Variants in KCNB2 observed in about 807,000 individuals in gnomAD.
The protein encoded by KCNB2 is delayed rectifier potassium channel protein.
A neutral mutation model predicts 61.5 loss-of-function variants in KCNB2; 15 were observed. The observed-to-expected ratio is 0.24, with a 90% CI of 0.16 to 0.38. The LOEUF is 0.38. Ranked by LOEUF, KCNB2 falls within the 10% of genes least tolerant of loss-of-function variation. The pLI is 1.00. For missense variants in KCNB2, 828 were observed against 1,125.2 expected, an observed-to-expected ratio of 0.74 and a Z score of 3.78; for synonymous variants, 457 against 446.0, an observed-to-expected ratio of 1.02 and a Z score of -0.31.
At chr8:72,683,867 C>T (rs1806803999) in intron 2 of KCNB2, among the ~76,000 whole-genome samples, 1 of 152,010 alleles carries the variant, frequency 6.6e-6, no homozygotes, top group Non-Finnish European at 1.5e-5. Context: ...ATTAGGAGGC[C>T]ACGGAAGATG....
At chr8:72,911,653 A>G (rs540732041) in intron 2 of KCNB2, among the ~76,000 whole-genome samples, 15 of 152,272 alleles carry the variant, frequency 9.9e-5, no homozygotes, top group Admixed American at 2.6e-4. Flanking sequence ...CATCATCTCA[A>G]TGGGCTGACT....
intron 2 of KCNB2, among the ~76,000 whole-genome samples, chr8:72,710,874 G>A (rs1423588571): frequency 6.6e-6 from 1 of 152,156 alleles, no homozygotes; most frequent in Non-Finnish European, 1.5e-5. Context: ...GGCCTCTCAA[G>A]GCTATTTAAG....
At chr8:72,619,025 A>C in intron 2 of KCNB2, 1 of 313,562 alleles carries the variant, frequency 3.2e-6, no homozygotes, top group South Asian at 2.8e-5. Flanking sequence ...TGTTCTGAAG[A>C]TGACCGTCGA....
chr8:72,577,731 A>G (rs1806820818), intron 2 of KCNB2, among the ~76,000 whole-genome samples: 1 of 152,204 alleles, frequency 6.6e-6, no homozygotes, highest in Admixed American at 6.6e-5. Context: ...ACGCCACAGC[A>G]GTGCCAAGGA....
At chr8:72,600,289 T>C (rs1242685538) in intron 2 of KCNB2, among the ~76,000 whole-genome samples, 2 of 152,080 alleles carry the variant, frequency 1.3e-5, no homozygotes, top group African/African-American at 2.4e-5. Context: ...TCATGTCCTT[T>C]GTAGGGACAT....
chr8:72,844,481 C>G (rs12541964), intron 2 of KCNB2, among the ~76,000 whole-genome samples: 129,784 of 152,156 alleles, frequency 0.85, 56,315 homozygotes, highest in Middle Eastern at 0.97. Flanking sequence ...TTGAATGTTG[C>G]CCTATCTTGC....
rs1585740520 is a variant in KCNB2 at position 72,539,985 on chromosome 8, C to G, written c.-94+2100C>G. 2.6e-5 allele frequency among the ~76,000 whole-genome samples: 4 copies of G among 152,284 alleles called. No individual in the cohort carries two copies. The East Asian group carries it at 7.7e-4, about 29-fold the overall frequency. ...AGGATATGGTTTCGGTCACGTTTCT[C>G]AACTTAAGAGTGTGTCTGTCCACGT... On this transcript the variant is annotated intron_variant, in intron 1 of 2. Transcript: ENST00000523207.
At chr8:72,742,969 G>T (rs939751562) in intron 2 of KCNB2, among the ~76,000 whole-genome samples, 1 of 152,180 alleles carries the variant, frequency 6.6e-6, no homozygotes. Flanking sequence ...ATGTTCCCAG[G>T]ACTAGAAACA....
chr8:72,733,761 GC>G (rs1169932358), intron 2 of KCNB2, among the ~76,000 whole-genome samples: 1 of 152,068 alleles, frequency 6.6e-6, no homozygotes, highest in Admixed American at 6.6e-5. Flanking sequence ...TCTGATTGTA[GC>G]CCCTGATTTT....
In KCNB2 at chr8:72,691,920, A is replaced by G. The variant is rs1806945698; in HGVS notation, c.579+123607A>G. Among the ~76,000 whole-genome samples, 5 of 152,180 alleles carry G rather than the reference A, an allele frequency of 3.3e-5. No individual in the cohort carries two copies. In the South Asian group the frequency reaches 1.0e-3, roughly 32 times the overall value. ...AGCATTGATATATCACAGTATGATT[A>G]TATCTGCTGAATCTAATTTTTAAAA... On this transcript the variant is annotated intron_variant, in intron 2 of 2. Coordinates refer to ENST00000523207, the MANE Select transcript of KCNB2 (RefSeq NM_004770.3).
rs915138574 is a variant in KCNB2, at chr8:72,769,183, G to T, written c.580-166752G>T. Among the ~76,000 whole-genome samples the T allele has an allele frequency of 4.6e-5, 7 of 151,076 alleles. No individual in the cohort carries two copies. The East Asian group carries it at 1.4e-3, about 29-fold the overall frequency. ...CTCAAAAAAAGAGAAAGAAAAAAAA[G>T]AAAATTAAGTGACATAAAAAGACAA... On this transcript the variant is annotated intron_variant, in intron 2 of 2. Coordinates refer to ENST00000523207, the MANE Select transcript of KCNB2 (RefSeq NM_004770.3).
chr8:72,561,777 G>GT (rs1563523629), intron 1 of KCNB2, among the ~76,000 whole-genome samples: 3,423 of 29,860 alleles, frequency 0.11, 749 homozygotes, highest in Non-Finnish European at 0.21. Context: ...ATATATATAT[G>GT]GATATATATA....
intron 2 of KCNB2, among the ~76,000 whole-genome samples, chr8:72,574,879 G>A (rs6989807): frequency 0.07 from 10,391 of 148,664 alleles, 504 homozygotes; most frequent in South Asian, 0.19. Context: ...ACTCTTTTAG[G>A]TAAGCGTAAG....
intron 2 of KCNB2, among the ~76,000 whole-genome samples, chr8:72,843,729 G>A (rs1415662400): frequency 2.0e-5 from 3 of 152,060 alleles, no homozygotes; most frequent in African/African-American, 7.2e-5. Context: ...TTGGTTTAAT[G>A]TCTGTTTTAT....
At chr8:72,732,012 T>A (rs1361885370) in intron 2 of KCNB2, 1 of 152,200 alleles carries the variant, frequency 6.6e-6, no homozygotes, top group Admixed American at 6.5e-5. Context: ...TTCTACACAG[T>A]TAGATGTGAG....
Position 72,872,815 on chromosome 8 carries a change from C to T in KCNB2, c.580-63120C>T, listed in dbSNP as rs528021835. On this transcript the variant is annotated intron_variant, in intron 2 of 2. Coordinates refer to ENST00000523207, the MANE Select transcript of KCNB2 (RefSeq NM_004770.3). ...AAGTTCTAGAACAAGTCTAAAATAT[C>T]CTGAGGGGTTAGCTTATCTGCCTAG... Among the ~76,000 whole-genome samples, 13 of 152,234 alleles carry T rather than the reference C, an allele frequency of 8.5e-5. No individual in the cohort carries two copies. In the South Asian group the frequency reaches 2.7e-3, roughly 32 times the overall value.
At chr8:72,924,122 A>G (rs770586562) in intron 2 of KCNB2, among the ~76,000 whole-genome samples, 1 of 152,200 alleles carries the variant, frequency 6.6e-6, no homozygotes, top group South Asian at 2.1e-4. Flanking sequence ...ACCAAGTTGA[A>G]TTGTGTTATG....
intron 2 of KCNB2, among the ~76,000 whole-genome samples, chr8:72,577,824 A>G (rs1401583224): frequency 6.6e-6 from 1 of 152,186 alleles, no homozygotes; most frequent in African/African-American, 2.4e-5. Context: ...GGATATTTGC[A>G]CAGGAGAGGA....
intron 2 of KCNB2, among the ~76,000 whole-genome samples, chr8:72,664,957 A>G (rs1313901324): frequency 2.6e-5 from 4 of 152,266 alleles, no homozygotes; most frequent in African/African-American, 9.6e-5. Context: ...TATAATATAG[A>G]CAGAAAAAAG....
Sources: allele counts gnomAD v4.1 joint callset (sites outside exome capture counted in the v4.1 genomes callset), GRCh38; gene constraint gnomAD v4.1.1; transcripts MANE v1.5; gene names NCBI Gene and HGNC (gene_info 2026-07-23, HGNC 2026-07-21).